MARCHF5: variants seen among roughly 807,000 people sequenced by gnomAD.
MARCHF5 encodes the protein membrane associated ring-CH-type finger 5.
In MARCHF5, 5 loss-of-function variants were observed where a neutral mutation model predicts 36.5. The ratio of observed to expected loss-of-function variants is 0.14; its 90% confidence interval spans 0.07 to 0.29. MARCHF5 has a LOEUF of 0.29. MARCHF5 is among the 10% of genes least tolerant of loss of function. The pLI is 1.00. For missense variants in MARCHF5, 179 were observed against 336.3 expected (o/e 0.53, Z 3.66); for synonymous variants, 103 against 109.9 (o/e 0.94, Z 0.39).
At chr10:92,301,712 A>G (rs1843014182) in intron 1 of MARCHF5, among the ~76,000 whole-genome samples, 1 of 152,248 alleles carries the variant, frequency 6.6e-6, no homozygotes, top group South Asian at 2.1e-4. Flanking sequence ...GTATTTGCAT[A>G]TAACCTATGC....
At chr10:92,291,837 C>T (rs912269970) in intron 1 of MARCHF5, among the ~76,000 whole-genome samples, 1 of 147,792 alleles carries the variant, frequency 6.8e-6, no homozygotes, top group Non-Finnish European at 1.5e-5. Flanking sequence ...TTCCCCTCCC[C>T]CTTCCCCCTC....
At chr10:92,312,235 T>C (rs2135187145) in intron 2 of MARCHF5, among the ~76,000 whole-genome samples, 1 of 152,302 alleles carries the variant, frequency 6.6e-6, no homozygotes, top group African/African-American at 2.4e-5. Context: ...AGACCAATGT[T>C]TTTGAAAATG....
chr10:92,334,473 A>G (rs534697654), intron 2 of MARCHF5: 16 of 152,584 alleles, frequency 1.0e-4, no homozygotes, highest in African/African-American at 3.6e-4. Flanking sequence ...TGCCAGTCCA[A>G]GTGCATTGGT....
chr10:92,315,184 A>G (rs117549010), intron 2 of MARCHF5, among the ~76,000 whole-genome samples: 1,725 of 152,370 alleles, frequency 0.011, 30 homozygotes, highest in Non-Finnish European at 0.019. Flanking sequence ...TTAACATGTT[A>G]CATTCGTATA....
chr10:92,310,565 C>A (rs1000424135), intron 1 of MARCHF5, among the ~76,000 whole-genome samples: 5 of 151,772 alleles, frequency 3.3e-5, no homozygotes, highest in African/African-American at 4.8e-5. Context: ...AAAAAAAAAT[C>A]TTGATATATT....
chr10:92,330,616 C>T (rs536335309), intron 2 of MARCHF5, among the ~76,000 whole-genome samples: 2 of 152,236 alleles, frequency 1.3e-5, no homozygotes, highest in East Asian at 3.9e-4. Context: ...TCTCAGACAC[C>T]TGCTGTCTTT....
At chr10:92,341,539 C>T (rs1236858943) in intron 3 of MARCHF5, among the ~76,000 whole-genome samples, 1 of 152,174 alleles carries the variant, frequency 6.6e-6, no homozygotes, top group Admixed American at 6.5e-5. Flanking sequence ...TAGTCCCAAG[C>T]CGTTGACTCT....
rs548584046 is a variant in MARCHF5, at chr10:92,291,544, G to A, written c.35+15G>A. ...ATGCTGGACAGGTACGGGCAGCTGT[G>A]GGGGGGACCGGGAGCCGCCGACCCT... is the stretch of plus-strand genomic sequence containing the variant. On this transcript the variant is annotated intron_variant, in intron 1 of 5. Transcript: ENST00000358935. 6 of 1,530,822 alleles carry A rather than the reference G, an allele frequency of 3.9e-6. No homozygotes were observed. In the Admixed American group the frequency reaches 8.1e-5, roughly 21 times the overall value. 94.8% of individuals were successfully genotyped at this position (1,530,822 alleles called of 1,614,324 possible).
intron 2 of MARCHF5, among the ~76,000 whole-genome samples, chr10:92,336,890 A>C (rs970277922): frequency 3.3e-5 from 5 of 152,312 alleles, no homozygotes; most frequent in Non-Finnish European, 5.9e-5. Flanking sequence ...TGGAAGGCCA[A>C]GGTGGGCAGA....
intron 1 of MARCHF5, among the ~76,000 whole-genome samples, chr10:92,303,047 C>T (rs1385229469): frequency 6.6e-6 from 1 of 152,232 alleles, no homozygotes; most frequent in African/African-American, 2.4e-5. Flanking sequence ...CAGTTTGAGT[C>T]TGCAAAGGCT....
Position 92,349,466 on chromosome 10 carries a change from G to T in MARCHF5, c.487G>T (p.Asp163Tyr), listed in dbSNP as rs370134787. The T allele has an allele frequency of 1.2e-6, 2 of 1,613,980 alleles. No homozygotes were observed. The highest frequency in any genetic ancestry group is 2.7e-5 in the African/African-American group (2 of 74,910). The change falls in exon 4 of 6, where the codon GAC becomes TAC. Residue 163 changes from aspartate to tyrosine, a missense_variant. Physicochemically the swap from Asp to Tyr is radical, Grantham distance 160 (BLOSUM62 -3). Coordinates refer to ENST00000358935, the MANE Select transcript of MARCHF5 (RefSeq NM_017824.5). Reference sequence around the variant, plus strand: ...ATTAGGCAAGATGATTCGCTGGGAGGACTATGTGCTTAGACTGTGGCGCAA... The same window carrying T: ...ATTAGGCAAGATGATTCGCTGGGAGTACTATGTGCTTAGACTGTGGCGCAA... The part of the protein sequence containing the change: ...LILGKMIRWE[D>Y]YVLRLWRKYS...
chr10:92,296,325 T>C (rs1245732134), intron 1 of MARCHF5, among the ~76,000 whole-genome samples: 1 of 152,200 alleles, frequency 6.6e-6, no homozygotes, highest in Non-Finnish European at 1.5e-5. Flanking sequence ...TGTTTCAGTG[T>C]CACAAATATC....
chr10:92,345,767 C>T, intron 3 of MARCHF5, among the ~76,000 whole-genome samples: 1 of 144,334 alleles, frequency 6.9e-6, no homozygotes, highest in East Asian at 2.1e-4. Context: ...AGTCACGGCT[C>T]ACTGCATCCT....
intron 2 of MARCHF5, among the ~76,000 whole-genome samples, chr10:92,319,629 TTG>T (rs1843264022): frequency 6.9e-6 from 1 of 145,256 alleles, no homozygotes; most frequent in South Asian, 2.1e-4. Flanking sequence ...TTAAAAAATT[TTG>T]TGTGTTTGTT....
chr10:92,325,834 C>T (rs1843351121), intron 2 of MARCHF5, among the ~76,000 whole-genome samples: 1 of 152,086 alleles, frequency 6.6e-6, no homozygotes, highest in African/African-American at 2.4e-5. Flanking sequence ...TGCACCACCA[C>T]ACCTGGCTAA....
intron 2 of MARCHF5, among the ~76,000 whole-genome samples, chr10:92,314,393 C>G (rs1303454226): frequency 4.6e-5 from 7 of 152,106 alleles, no homozygotes; most frequent in Non-Finnish European, 2.9e-5. Context: ...CCTGTAATCC[C>G]AACACTGGGA....
rs562545659 is a variant in MARCHF5, at chr10:92,331,847, A to G, written c.239-8826A>G. Among the ~76,000 whole-genome samples, 27 of 147,952 alleles carry G rather than the reference A, an allele frequency of 1.8e-4. 1 individual carries two copies. The South Asian group carries it at 5.0e-3, about 28-fold the overall frequency. On this transcript the variant is annotated intron_variant, in intron 2 of 5. Transcript: ENST00000358935. ...ATAACTATGTACCATATATATTTTC[A>G]TATATAATCATATATATGTTTTTAT... is the stretch of plus-strand genomic sequence containing the variant.
At chr10:92,314,529 C>G (rs1238641530) in intron 2 of MARCHF5, among the ~76,000 whole-genome samples, 1 of 151,990 alleles carries the variant, frequency 6.6e-6, no homozygotes, top group Non-Finnish European at 1.5e-5. Context: ...GTAATCCCAG[C>G]TACTTGGGAG....
chr10:92,293,385 T>C (rs1842913867), intron 1 of MARCHF5, among the ~76,000 whole-genome samples: 2 of 152,148 alleles, frequency 1.3e-5, no homozygotes, highest in South Asian at 4.1e-4. Flanking sequence ...TTGTCAGGCA[T>C]GAGCCATCGT....
Sources: gnomAD v4.1 joint callset for allele counts (sites outside exome capture counted in the v4.1 genomes callset) on GRCh38, gnomAD v4.1.1 for gene constraint, MANE v1.5 for transcripts, NCBI Gene and HGNC (gene_info 2026-07-23, HGNC 2026-07-21) for gene names.